CFAP206: variants seen among roughly 807,000 people sequenced by gnomAD.
CFAP206 encodes cilia- and flagella-associated protein 206.
CFAP206 carries 53 observed loss-of-function variants against 65.4 expected under a neutral mutation model. The ratio of observed to expected loss-of-function variants is 0.81; its 90% confidence interval spans 0.65 to 1.02. The LOEUF (loss-of-function observed/expected upper bound fraction) is 1.02, where lower values mean the gene tolerates loss of function less well. Ranked by LOEUF, CFAP206 falls within the 50% of genes least tolerant of loss-of-function variation. The pLI is 0.00. For missense variants in CFAP206, 663 were observed against 753.2 expected (o/e 0.88, Z 1.40); for synonymous variants, 250 against 254.4 (o/e 0.98, Z 0.17).
intron 11 of CFAP206, chr6:87,445,087 C>T (rs1768421299): frequency 2.0e-6 from 1 of 491,380 alleles, no homozygotes; most frequent in Non-Finnish European, 4.0e-6. Flanking sequence ...TTCTACGGTT[C>T]ACCATCATTT....
chr6:87,434,917 A>G lies in CFAP206; in HGVS notation c.1358A>G (p.Lys453Arg). The change falls in exon 11 of 13, where the codon AAA (lysine) becomes AGA (arginine). Residue 453 changes from lysine to arginine, a missense_variant. By Grantham distance (26) the Lys-to-Arg change is conservative. Coordinates refer to ENST00000369562, the MANE Select transcript of CFAP206 (RefSeq NM_001031743.3). Reference protein sequence around the residue: ...YKEKYYTFNSKDAAYSFAENP... With the variant: ...YKEKYYTFNSRDAAYSFAENP... ...GAAAAATATTACACATTCAATAGTAAAGATGCTGCATATTCATTTGCAGAA... is the reference window on the plus strand; with the variant it reads ...GAAAAATATTACACATTCAATAGTAGAGATGCTGCATATTCATTTGCAGAA... 1 of 1,534,626 alleles carries G rather than the reference A, an allele frequency of 6.5e-7. No individual in the cohort carries two copies. Among genetic ancestry groups the G allele is most frequent in the Non-Finnish European group, 8.9e-7 (1 of 1,117,400 alleles).
intron 10 of CFAP206, among the ~76,000 whole-genome samples, chr6:87,434,264 C>T (rs1768212545): frequency 6.6e-6 from 1 of 151,950 alleles, no homozygotes; most frequent in Admixed American, 6.6e-5. Flanking sequence ...GGTTGGGAGA[C>T]ACATGCCTGT....
chr6:87,415,318 A>G (rs548591592), intron 4 of CFAP206, among the ~76,000 whole-genome samples: 2 of 149,982 alleles, frequency 1.3e-5, no homozygotes, highest in South Asian at 2.1e-4. Flanking sequence ...ATATGTATAT[A>G]TTTATTTTTT....
At chr6:87,415,148 A>G (rs1218513388) in intron 4 of CFAP206, among the ~76,000 whole-genome samples, 1 of 152,074 alleles carries the variant, frequency 6.6e-6, no homozygotes, top group Non-Finnish European at 1.5e-5. Context: ...TCTCGATGCA[A>G]CATCGTATTA....
At position 87,431,119 on chromosome 6, in the gene CFAP206, T is replaced by C; in HGVS notation, c.1246T>C (p.Tyr416His). 1 of 1,614,084 alleles carries C rather than the reference T, an allele frequency of 6.2e-7. No individual in the cohort carries two copies. The highest frequency in any genetic ancestry group is 1.1e-5 in the South Asian group (1 of 91,068). Residue 416 changes from tyrosine (Y) to histidine (H), a missense_variant, in exon 10 of 13, where the codon TAT becomes CAT. Coordinates refer to ENST00000369562, the MANE Select transcript of CFAP206 (RefSeq NM_001031743.3). ...TANFDKLLIQ[Y>H]RGFCAYTFAA... is the part of the protein sequence containing the mutation. ...AAATTTTGATAAACTGTTAATTCAA[T>C]ATCGGGGATTTTGTGCTTACACGTT...
intron 9 of CFAP206, 117 bp from the exon 10 acceptor site, chr6:87,430,916 A>G (rs1282463195): frequency 5.3e-6 from 5 of 946,454 alleles, no homozygotes; most frequent in Non-Finnish European, 7.7e-6. Flanking sequence ...GTTTTTGCCC[A>G]TCGGGAAAAG....
chr6:87,423,592 A>G (rs1011443108), intron 7 of CFAP206, among the ~76,000 whole-genome samples: 1 of 152,210 alleles, frequency 6.6e-6, no homozygotes, highest in Non-Finnish European at 1.5e-5. Context: ...TAAGTATTGC[A>G]TGTCGAATGC....
intron 10 of CFAP206, among the ~76,000 whole-genome samples, chr6:87,434,121 G>A (rs1256822924): frequency 6.6e-6 from 1 of 151,922 alleles, no homozygotes; most frequent in Non-Finnish European, 1.5e-5. Context: ...GAGTGGAAGG[G>A]CCAGGAACAG....
chr6:87,416,001 AGC>A, intron 5 of CFAP206, 127 bp downstream of exon 5: 8 of 693,416 alleles, frequency 1.2e-5, no homozygotes, highest in East Asian at 3.1e-5. Flanking sequence ...AAAAAAAATC[AGC>A]ACAAATGAGT....
intron 9 of CFAP206, among the ~76,000 whole-genome samples, chr6:87,430,829 C>T (rs1020385242): frequency 3.3e-5 from 5 of 152,148 alleles, no homozygotes; most frequent in East Asian, 1.9e-4. Context: ...ACTTACGTGA[C>T]GTTATATGTC....
chr6:87,464,184 T>G lies in CFAP206; in HGVS notation c.1803T>G (p.Arg601=). 3.1e-6 allele frequency: 5 copies of G among 1,614,156 alleles called. No homozygotes were observed. The highest frequency in any genetic ancestry group is 4.2e-6 in the Non-Finnish European group (5 of 1,180,020). ...CTCAGATTTACTTGGCTGGTCTTCGTGGAGGAAAGAGCGAAATCACCGATG... is the reference window on the plus strand; with the variant it reads ...CTCAGATTTACTTGGCTGGTCTTCGGGGAGGAAAGAGCGAAATCACCGATG... ...PRPQIYLAGL[R]GGKSEITDEV... The change falls in exon 13 of 13, where the codon CGT becomes CGG. Residue 601 remains arginine (R), a synonymous_variant. Coordinates refer to ENST00000369562, the MANE Select transcript of CFAP206 (RefSeq NM_001031743.3).
In CFAP206 at chr6:87,430,286, G is replaced by A. The variant is rs889863608; in HGVS notation, c.1160-747G>A. On this transcript the variant is annotated intron_variant, in intron 9 of 12. Transcript: ENST00000369562. ...GCCTGCTTTTTGGGTTTAGAACCAG[G>A]CACAGAAGTGTACGTGAGATTGTGA... 5.3e-5 allele frequency among the ~76,000 whole-genome samples: 8 copies of A among 152,186 alleles called. No individual in the cohort carries two copies. In the South Asian group the frequency reaches 6.2e-4, roughly 12 times the overall value.
Position 87,426,602 on chromosome 6 carries a change from T to A in CFAP206, c.917T>A (p.Met306Lys). 6.3e-7 allele frequency: 1 copy of A among 1,598,546 alleles called. No homozygotes were observed. The highest frequency in any genetic ancestry group is 8.5e-7 in the Non-Finnish European group (1 of 1,172,070). The stretch of plus-strand genomic sequence containing the variant: ...GGAGCCCATCTGGAACAACTAAAAA[T>A]GACCATAAAATCAAAGATAGCGGTC... ...QLGAHLEQLK[M>K]TIKSKIAVPT... is the part of the protein sequence containing the mutation. The change falls in exon 8 of 13, where the codon ATG becomes AAG. Residue 306 changes from methionine (M) to lysine (K), a missense_variant. Transcript: ENST00000369562.
intron 7 of CFAP206, among the ~76,000 whole-genome samples, chr6:87,420,407 C>T (rs930163864): frequency 6.6e-6 from 1 of 152,216 alleles, no homozygotes; most frequent in Non-Finnish European, 1.5e-5. Context: ...CTTAAATTCT[C>T]ATTGGCGTTC....
chr6:87,428,606 AT>A lies in CFAP206; in HGVS notation c.961-12del, dbSNP rs1395593030. ...TTTATTACACAGTTGCATTTTGAATATTTTTTTTCTCTTCCTCAGCCTATCT... is the reference window on the plus strand; with the variant it reads ...TTTATTACACAGTTGCATTTTGAATATTTTTTTCTCTTCCTCAGCCTATCT... On this transcript the variant is annotated intron_variant, in intron 8 of 12. Transcript: ENST00000369562. 17 of 1,601,728 alleles carry A rather than the reference AT, an allele frequency of 1.1e-5. No homozygotes were observed. The highest frequency in any genetic ancestry group is 2.2e-5 in the South Asian group (2 of 90,794).
At chr6:87,418,101 G>A (rs60934391) in intron 6 of CFAP206, 107 bp from the exon 7 acceptor site, 29,549 of 969,820 alleles carry the variant, frequency 0.03, 569 homozygotes, top group African/African-American at 0.06. Context: ...TTTGATTGGG[G>A]AGAAAAACCC....
At chr6:87,419,883 C>T (rs746186682) in intron 7 of CFAP206, among the ~76,000 whole-genome samples, 2 of 152,108 alleles carry the variant, frequency 1.3e-5, no homozygotes, top group Non-Finnish European at 2.9e-5. Flanking sequence ...AATTCAAGAC[C>T]AGCCTGGGCA....
At chr6:87,447,947 TTTC>T (rs1478534407) in intron 11 of CFAP206, among the ~76,000 whole-genome samples, 3 of 144,494 alleles carry the variant, frequency 2.1e-5, no homozygotes, top group Non-Finnish European at 4.5e-5. Context: ...TCTTCTAGAT[TTTC>T]TTTATTATTA....
intron 11 of CFAP206, among the ~76,000 whole-genome samples, chr6:87,443,833 T>C (rs2127954732): frequency 6.6e-6 from 1 of 152,260 alleles, no homozygotes; most frequent in East Asian, 1.9e-4. Flanking sequence ...TGTCCATGAG[T>C]ACCCAGTGTT....
Sources: gnomAD v4.1 joint callset for allele counts (sites outside exome capture counted in the v4.1 genomes callset) on GRCh38, gnomAD v4.1.1 for gene constraint, MANE v1.5 for transcripts, NCBI Gene and HGNC (gene_info 2026-07-23, HGNC 2026-07-21) for gene names.